The following SGCZ variants were observed in gnomAD, a reference collection of about 807,000 sequenced individuals.
SGCZ encodes the protein zeta-sarcoglycan.
SGCZ carries 40 observed loss-of-function variants against 41.3 expected under a neutral mutation model. The observed-to-expected ratio is 0.97, with a 90% CI of 0.75 to 1.26. SGCZ has a LOEUF of 1.26. Ranked by LOEUF, SGCZ falls within the 50% of genes most tolerant of loss-of-function variation. SGCZ has a pLI of 0.00. For synonymous variants in SGCZ, 206 were observed against 137.5 expected, an observed-to-expected ratio of 1.50 and a Z score of -3.49; for missense variants, 552 against 369.8, an observed-to-expected ratio of 1.49 and a Z score of -4.04.
intron 1 of SGCZ, among the ~76,000 whole-genome samples, chr8:15,135,177 C>G (rs971323986): frequency 6.6e-6 from 1 of 152,162 alleles, no homozygotes; most frequent in Admixed American, 6.5e-5. Context: ...TCTGAGCATT[C>G]AGTTCACCAT....
chr8:14,632,936 A>G (rs1049448749), intron 1 of SGCZ, among the ~76,000 whole-genome samples: 4 of 152,002 alleles, frequency 2.6e-5, no homozygotes, highest in Non-Finnish European at 4.4e-5. Flanking sequence ...CAGTGATTCA[A>G]TAATAAATAT....
intron 1 of SGCZ, among the ~76,000 whole-genome samples, chr8:14,722,029 T>G: frequency 6.6e-6 from 1 of 152,226 alleles, no homozygotes; most frequent in East Asian, 1.9e-4. Context: ...GATCTTCTTT[T>G]GAATGTCATC....
chr8:14,126,664 C>A (rs1802870352), intron 5 of SGCZ, among the ~76,000 whole-genome samples: 1 of 152,114 alleles, frequency 6.6e-6, no homozygotes, highest in African/African-American at 2.4e-5. Context: ...CAAATCCATT[C>A]TGTTATAAAG....
At chr8:14,325,278 G>T (rs1802054138) in intron 2 of SGCZ, among the ~76,000 whole-genome samples, 1 of 151,870 alleles carries the variant, frequency 6.6e-6, no homozygotes, top group South Asian at 2.1e-4. Context: ...TTACAGACTT[G>T]TTGACTAATT....
chr8:15,229,999 G>T (rs1386598125), intron 1 of SGCZ, among the ~76,000 whole-genome samples: 4 of 152,072 alleles, frequency 2.6e-5, no homozygotes. Flanking sequence ...ATATTTAGTA[G>T]GCTCTTAGCT....
chr8:15,193,300 G>C (rs1226354388), intron 1 of SGCZ, among the ~76,000 whole-genome samples: 2 of 151,996 alleles, frequency 1.3e-5, no homozygotes, highest in African/African-American at 4.8e-5. Context: ...ATAATCTTAG[G>C]CTAGCCAAGA....
chr8:14,603,962 C>A (rs1442501585), intron 1 of SGCZ, among the ~76,000 whole-genome samples: 1 of 152,050 alleles, frequency 6.6e-6, no homozygotes, highest in African/African-American at 2.4e-5. Flanking sequence ...ACATATCTCA[C>A]ACTGTTACTA....
Position 15,097,863 on chromosome 8 carries a change from T to TATATATATATATATAC in SGCZ, c.39+139721_39+139722insGTATATATATATATAT, listed in dbSNP as rs1563124023. ...GTGTGTATATATATATATACGTGTG[T>TATATATATATATATAC]GTGTATATATATATATATACGTGTG... On this transcript the variant is annotated intron_variant, in intron 1 of 7. Coordinates refer to ENST00000382080, the MANE Select transcript of SGCZ (RefSeq NM_139167.4). 6.1e-3 allele frequency among the ~76,000 whole-genome samples: 140 copies of TATATATATATATATAC among 22,808 alleles called. 9 individuals carry two copies. The highest frequency in any genetic ancestry group is 0.04 in the East Asian group (32 of 798). The allele number at this position is 22,808 out of a possible 152,430, so 15.0% of individuals were successfully genotyped here.
intron 3 of SGCZ, among the ~76,000 whole-genome samples, chr8:14,266,389 C>G (rs933038572): frequency 6.6e-6 from 1 of 151,922 alleles, no homozygotes; most frequent in African/African-American, 2.4e-5. Context: ...CACAGAAGCA[C>G]CAAGATAACT....
intron 2 of SGCZ, among the ~76,000 whole-genome samples, chr8:14,554,375 A>G (rs1803965559): frequency 6.6e-6 from 1 of 152,058 alleles, no homozygotes; most frequent in African/African-American, 2.4e-5. Context: ...AGTAATATTA[A>G]TTTTAATGTG....
chr8:14,857,618 C>A (rs544886122), intron 1 of SGCZ, among the ~76,000 whole-genome samples: 2 of 152,170 alleles, frequency 1.3e-5, no homozygotes, highest in Non-Finnish European at 1.5e-5. Context: ...AATCCCAGCA[C>A]TTTGCAAGGC....
At chr8:14,324,252 A>G (rs760615242) in intron 2 of SGCZ, 48 bp from the exon 3 acceptor site, 1 of 1,342,686 alleles carries the variant, frequency 7.4e-7, no homozygotes, top group Non-Finnish European at 1.1e-6. Context: ...TGGAGAATGA[A>G]TATCTGGCCA....
chr8:15,083,750 T>C (rs957054003), intron 1 of SGCZ, among the ~76,000 whole-genome samples: 1 of 151,876 alleles, frequency 6.6e-6, no homozygotes, highest in African/African-American at 2.4e-5. Context: ...GGGTTTTTTG[T>C]TGTTGTTGTT....
At chr8:14,629,278 T>C (rs1381572710) in intron 1 of SGCZ, among the ~76,000 whole-genome samples, 2 of 151,570 alleles carry the variant, frequency 1.3e-5, no homozygotes, top group Non-Finnish European at 2.9e-5. Flanking sequence ...ATAAATCACT[T>C]AGCTTAATGC....
chr8:14,383,245 T>A (rs1585432260), intron 2 of SGCZ, among the ~76,000 whole-genome samples: 1 of 152,214 alleles, frequency 6.6e-6, no homozygotes, highest in African/African-American at 2.4e-5. Context: ...TTAATTAAAA[T>A]GTCAAGAATA....
chr8:15,118,404 G>A (rs1024789507), intron 1 of SGCZ, among the ~76,000 whole-genome samples: 2 of 152,194 alleles, frequency 1.3e-5, no homozygotes, highest in Admixed American at 6.5e-5. Context: ...AAAGAAGGGG[G>A]AGGCTTGAAA....
At chr8:15,189,190 G>C (rs77164069) in intron 1 of SGCZ, among the ~76,000 whole-genome samples, 2 of 152,168 alleles carry the variant, frequency 1.3e-5, no homozygotes, top group East Asian at 3.9e-4. Flanking sequence ...TATGATGGAT[G>C]TTCCAGGTCA....
At chr8:15,047,251 C>T (rs566360850) in intron 1 of SGCZ, among the ~76,000 whole-genome samples, 36 of 151,964 alleles carry the variant, frequency 2.4e-4, no homozygotes, top group Non-Finnish European at 3.5e-4. Context: ...AAAAGTACAT[C>T]GGATAAAGTT....
chr8:15,096,829 G>T (rs998140571), intron 1 of SGCZ, among the ~76,000 whole-genome samples: 2 of 151,936 alleles, frequency 1.3e-5, no homozygotes, highest in Admixed American at 1.3e-4. Context: ...GGGACTACAG[G>T]CACATACCAC....
Sources: gnomAD v4.1 joint callset for allele counts (sites outside exome capture counted in the v4.1 genomes callset) on GRCh38, gnomAD v4.1.1 for gene constraint, MANE v1.5 for transcripts, NCBI Gene and HGNC (gene_info 2026-07-23, HGNC 2026-07-21) for gene names.